The following DNAL1 variants were observed in gnomAD, a reference collection of about 807,000 sequenced individuals.
DNAL1 encodes chromosome 14 open reading frame 168.
A neutral mutation model predicts 29.4 loss-of-function variants in DNAL1; 17 were observed. The ratio of observed to expected loss-of-function variants is 0.58; its 90% CI spans 0.40 to 0.87. The LOEUF is 0.87. Ranked by LOEUF, DNAL1 falls within the 40% of genes least tolerant of loss-of-function variation. The pLI, the probability that DNAL1 is intolerant of heterozygous loss-of-function variation, is 0.00. For missense variants in DNAL1, 188 were observed against 214.1 expected (o/e 0.88, Z 0.76); for synonymous variants, 78 against 76.3 (o/e 1.02, Z -0.12).
intron 3 of DNAL1, among the ~76,000 whole-genome samples, chr14:73,661,003 T>C (rs1891328627): frequency 6.6e-6 from 1 of 152,114 alleles, no homozygotes; most frequent in Non-Finnish European, 1.5e-5. Context: ...CTAGAAAATA[T>C]ACAGATTTGG....
chr14:73,673,107 T>C (rs1421684518), intron 5 of DNAL1: 1 of 152,150 alleles, frequency 6.6e-6, no homozygotes, highest in Non-Finnish European at 1.5e-5. Flanking sequence ...TTTAAGGATA[T>C]TTAGCCTTCT....
intron 4 of DNAL1, among the ~76,000 whole-genome samples, chr14:73,669,741 T>C (rs1891573841): frequency 6.6e-6 from 1 of 152,132 alleles, no homozygotes; most frequent in South Asian, 2.1e-4. Flanking sequence ...AATTACCTCT[T>C]TACAGGCTCT....
intron 3 of DNAL1, among the ~76,000 whole-genome samples, chr14:73,660,902 T>G (rs569198751): frequency 2.6e-5 from 4 of 152,336 alleles, no homozygotes; most frequent in Non-Finnish European, 5.9e-5. Flanking sequence ...GCTAGCTGCC[T>G]TAACAAGAAT....
intron 7 of DNAL1, among the ~76,000 whole-genome samples, chr14:73,691,266 T>C (rs936200790): frequency 6.6e-6 from 1 of 152,144 alleles, no homozygotes; most frequent in African/African-American, 2.4e-5. Flanking sequence ...ATATATGTTA[T>C]TAGCTGGGTG....
chr14:73,667,872 G>C (rs1891525600), intron 4 of DNAL1, among the ~76,000 whole-genome samples: 1 of 152,054 alleles, frequency 6.6e-6, no homozygotes, highest in South Asian at 2.1e-4. Context: ...GCAATTTCTT[G>C]ACTCCTCTCT....
At chr14:73,679,350 CTCTT>C (rs557471698) in intron 5 of DNAL1, among the ~76,000 whole-genome samples, 37 of 152,212 alleles carry the variant, frequency 2.4e-4, no homozygotes, top group Non-Finnish European at 4.4e-4. Context: ...ATTTTTAATA[CTCTT>C]TCTGTTAAAA....
chr14:73,647,060 T>C (rs563933170), intron 1 of DNAL1, among the ~76,000 whole-genome samples: 1 of 152,000 alleles, frequency 6.6e-6, no homozygotes, highest in African/African-American at 2.4e-5. Context: ...CAATTTCTCT[T>C]GAAAAATAAA....
intron 2 of DNAL1, among the ~76,000 whole-genome samples, chr14:73,656,813 G>T (rs1053881404): frequency 2.0e-4 from 30 of 152,038 alleles, no homozygotes; most frequent in African/African-American, 6.8e-4. Context: ...TCTACTAGAT[G>T]TCAATTTCTC....
chr14:73,659,890 T>C (rs374035237), intron 3 of DNAL1, among the ~76,000 whole-genome samples: 1 of 152,218 alleles, frequency 6.6e-6, no homozygotes, highest in East Asian at 1.9e-4. Flanking sequence ...AGCATTTTTG[T>C]AGAGCCTTCT....
chr14:73,655,000 T>A (rs1891182889), intron 2 of DNAL1, 115 bp downstream of exon 2: 1 of 1,064,114 alleles, frequency 9.4e-7, no homozygotes, highest in African/African-American at 1.6e-5. Context: ...ACTATTCAGC[T>A]ATCTTGTCTA....
chr14:73,685,413 A>C (rs1462702975), intron 5 of DNAL1, among the ~76,000 whole-genome samples: 1 of 151,466 alleles, frequency 6.6e-6, no homozygotes, highest in Non-Finnish European at 1.5e-5. Flanking sequence ...TAATATCCTC[A>C]AGTTTCATCC....
chr14:73,672,540 G>A (rs1011834368), intron 5 of DNAL1, among the ~76,000 whole-genome samples: 48 of 149,016 alleles, frequency 3.2e-4, no homozygotes, highest in African/African-American at 8.6e-4. Context: ...CCCAGGAGGC[G>A]GAGGTTGCAG....
At chr14:73,687,748 C>G (rs913062448) in intron 6 of DNAL1, among the ~76,000 whole-genome samples, 3 of 152,080 alleles carry the variant, frequency 2.0e-5, no homozygotes, top group East Asian at 1.9e-4. Context: ...TGGCGGGCGC[C>G]TGTAGTCCCA....
At chr14:73,683,128 G>A (rs139936350) in intron 5 of DNAL1, among the ~76,000 whole-genome samples, 475 of 152,008 alleles carry the variant, frequency 3.1e-3, no homozygotes, top group African/African-American at 0.011. Flanking sequence ...CGCCTGCCTC[G>A]GCCTCCCAAA....
intron 7 of DNAL1, 73 bp downstream of exon 7, chr14:73,689,588 G>A: frequency 1.3e-6 from 2 of 1,549,640 alleles, no homozygotes; most frequent in South Asian, 1.2e-5. Flanking sequence ...GAATCATGAA[G>A]AGGAGAAAAA....
chr14:73,681,455 C>T (rs537902511), intron 5 of DNAL1, among the ~76,000 whole-genome samples: 61 of 150,818 alleles, frequency 4.0e-4, no homozygotes, highest in Middle Eastern at 3.4e-3. Flanking sequence ...ACACTGTACA[C>T]AGGCTACACT....
Position 73,696,016 on chromosome 14 carries a change from A to C in DNAL1, c.*74A>C, listed in dbSNP as rs1892292384. ...ATAGATAAATTTTATATAATTGTCT[A>C]TTTTAAAGATTCTGTATGGGACAAA... On this transcript the variant is annotated 3_prime_UTR_variant, in exon 8 of 8. Coordinates refer to ENST00000553645, the MANE Select transcript of DNAL1 (RefSeq NM_031427.4). 7.3e-7 allele frequency: 1 copy of C among 1,364,154 alleles called. No individual in the cohort carries two copies. The highest frequency in any genetic ancestry group is 1.0e-6 in the Non-Finnish European group (1 of 994,570). The allele number at this position is 1,364,154 out of a possible 1,614,324, so 84.5% of individuals were successfully genotyped here. A position where few individuals can be genotyped will look rare whatever the true frequency, so the allele number is the denominator to read the frequency against.
intron 5 of DNAL1, among the ~76,000 whole-genome samples, chr14:73,680,293 C>G (rs1891844986): frequency 6.6e-6 from 1 of 152,148 alleles, no homozygotes; most frequent in Non-Finnish European, 1.5e-5. Flanking sequence ...TTGTTGCAAT[C>G]TTTTGTACAA....
chr14:73,700,972 C>T lies in DNAL1; in HGVS notation c.*5030C>T, dbSNP rs1262070455. 1.3e-5 allele frequency: 2 copies of T among 152,158 alleles called. 1 individual carries two copies. The highest frequency in any genetic ancestry group is 4.1e-4 in the South Asian group (2 of 4,826). The allele number at this position is 152,158 out of a possible 1,614,324, so 9.4% of individuals were successfully genotyped here. A position where few individuals can be genotyped will look rare whatever the true frequency, so the allele number is the denominator to read the frequency against. On this transcript the variant is annotated 3_prime_UTR_variant, in exon 8 of 8. Transcript: ENST00000553645. Reference sequence around the variant, plus strand: ...AAAATCAAGGGTCATGTTTTAAAATCATGGAACTTTTAGAAATACCATATC... The same window carrying T: ...AAAATCAAGGGTCATGTTTTAAAATTATGGAACTTTTAGAAATACCATATC...
Sources: allele counts gnomAD v4.1 joint callset (sites outside exome capture counted in the v4.1 genomes callset), GRCh38; gene constraint gnomAD v4.1.1; transcripts MANE v1.5; gene names NCBI Gene and HGNC (gene_info 2026-07-23, HGNC 2026-07-21).